The following DIAPH3 variants were observed in gnomAD, a reference collection of about 807,000 sequenced individuals.
DIAPH3 encodes protein diaphanous homolog 3.
In DIAPH3, 117 loss-of-function variants were observed where a neutral mutation model predicts 144.3. That is an observed-to-expected ratio of 0.81 (90% CI 0.70 to 0.95). The LOEUF (loss-of-function observed/expected upper bound fraction) is 0.95. Ranked by LOEUF, DIAPH3 falls within the 40% of genes least tolerant of loss-of-function variation. The pLI, the probability that DIAPH3 is intolerant of heterozygous loss-of-function variation, is 0.00. For missense variants in DIAPH3, 1,421 were observed against 1,412.7 expected (o/e 1.01, Z -0.09); for synonymous variants, 519 against 488.9 (o/e 1.06, Z -0.81).
chr13:60,055,186 T>C (rs1423876044), intron 4 of DIAPH3, among the ~76,000 whole-genome samples: 1 of 151,916 alleles, frequency 6.6e-6, no homozygotes, highest in East Asian at 1.9e-4. Context: ...CTTCCCCCCT[T>C]TTCACTTCTA....
chr13:59,697,059 T>C (rs2033837316), intron 27 of DIAPH3, among the ~76,000 whole-genome samples: 2 of 152,102 alleles, frequency 1.3e-5, no homozygotes, highest in South Asian at 2.1e-4. Context: ...CTAATGATAG[T>C]TGTAAAAATT....
intron 27 of DIAPH3, among the ~76,000 whole-genome samples, chr13:59,677,112 C>A (rs946155930): frequency 3.3e-5 from 5 of 152,034 alleles, no homozygotes; most frequent in African/African-American, 9.7e-5. Flanking sequence ...CAGTGCCCAC[C>A]TCATAACAAG....
chr13:60,146,533 C>T (rs930160249), intron 1 of DIAPH3, among the ~76,000 whole-genome samples: 2 of 152,156 alleles, frequency 1.3e-5, no homozygotes, highest in Non-Finnish European at 2.9e-5. Flanking sequence ...GGATTTGATA[C>T]AGAGCGGCCC....
intron 23 of DIAPH3, chr13:59,838,174 T>C (rs1264995736): frequency 6.6e-6 from 1 of 152,112 alleles, no homozygotes; most frequent in Admixed American, 6.6e-5. Context: ...CCATATGGGA[T>C]TTTAATAATG....
At chr13:59,847,928 T>A (rs1399334308) in intron 22 of DIAPH3, among the ~76,000 whole-genome samples, 1 of 152,172 alleles carries the variant, frequency 6.6e-6, no homozygotes, top group East Asian at 1.9e-4. Flanking sequence ...AACTCACTTT[T>A]CCAATTAGAA....
At chr13:60,131,894 C>T (rs566808570) in intron 2 of DIAPH3, among the ~76,000 whole-genome samples, 1 of 152,310 alleles carries the variant, frequency 6.6e-6, no homozygotes, top group East Asian at 1.9e-4. Context: ...GAACAAAATT[C>T]AAGCTATAAC....
intron 23 of DIAPH3, 62 bp downstream of exon 23, chr13:59,839,262 A>G: frequency 6.3e-7 from 1 of 1,595,506 alleles, no homozygotes; most frequent in Non-Finnish European, 8.6e-7. Context: ...CATCTAAAAT[A>G]TTAAATAAAT....
At chr13:60,138,025 A>G (rs1403137726) in intron 1 of DIAPH3, among the ~76,000 whole-genome samples, 2 of 152,138 alleles carry the variant, frequency 1.3e-5, no homozygotes, top group African/African-American at 4.8e-5. Context: ...CGCCTGGCCA[A>G]AAATTTACGT....
chr13:60,036,152 T>C (rs894342379), intron 5 of DIAPH3, among the ~76,000 whole-genome samples: 6 of 152,214 alleles, frequency 3.9e-5, no homozygotes, highest in African/African-American at 1.4e-4. Flanking sequence ...GAGATTAATG[T>C]CCAATCATCC....
In DIAPH3 at chr13:59,817,440, A is replaced by T. The variant is rs190659866; in HGVS notation, c.3028-6517T>A. 1.1e-4 allele frequency among the ~76,000 whole-genome samples: 17 copies of T among 151,998 alleles called. No individual in the cohort carries two copies. The East Asian group carries it at 2.5e-3, about 22-fold the overall frequency. On this transcript the variant is annotated intron_variant, in intron 24 of 27. Coordinates refer to ENST00000400324, the MANE Select transcript of DIAPH3 (RefSeq NM_001042517.2). The stretch of plus-strand genomic sequence containing the variant: ...TGAATTAAGCTTTTTGTTGTCATGA[A>T]GTAATTAATGTCTTGAGTCAATTGT...
At chr13:60,004,964 G>C (rs1250847107) in intron 9 of DIAPH3, among the ~76,000 whole-genome samples, 1 of 152,100 alleles carries the variant, frequency 6.6e-6, no homozygotes, top group Non-Finnish European at 1.5e-5. Flanking sequence ...CATAACTACG[G>C]AAGGAAAACA....
At chr13:60,079,646 T>C (rs1461910293) in intron 4 of DIAPH3, among the ~76,000 whole-genome samples, 3 of 151,808 alleles carry the variant, frequency 2.0e-5, no homozygotes, top group Admixed American at 6.6e-5. Flanking sequence ...TGATGTCTTA[T>C]GGGCATGTCT....
chr13:59,923,805 T>G (rs1232611065), intron 18 of DIAPH3, among the ~76,000 whole-genome samples: 1 of 152,138 alleles, frequency 6.6e-6, no homozygotes, highest in Non-Finnish European at 1.5e-5. Flanking sequence ...AGGCCTGCAT[T>G]GTAGAAAAGA....
chr13:60,105,099 CAAAAAAAAAAA>C (rs60853102), intron 3 of DIAPH3, among the ~76,000 whole-genome samples: 3 of 41,840 alleles, frequency 7.2e-5, no homozygotes, highest in African/African-American at 2.0e-4. Context: ...GACACGATCT[CAAAAAAAAAAA>C]AAAAAAAAAA....
intron 9 of DIAPH3, among the ~76,000 whole-genome samples, chr13:60,002,876 A>G (rs996929211): frequency 6.6e-6 from 1 of 152,188 alleles, no homozygotes; most frequent in Admixed American, 6.5e-5. Context: ...TGCTCTTGAT[A>G]CTCCAGGAAA....
chr13:59,762,052 C>CTTTTTTTTTTTT (rs35387511), intron 27 of DIAPH3, among the ~76,000 whole-genome samples: 8 of 59,520 alleles, frequency 1.3e-4, no homozygotes, highest in Admixed American at 5.0e-4. Flanking sequence ...GCGTCAGCAT[C>CTTTTTTTTTTTT]TTTTTTTTTT....
intron 25 of DIAPH3, among the ~76,000 whole-genome samples, chr13:59,802,726 C>CT: frequency 8.8e-6 from 1 of 114,210 alleles, no homozygotes; most frequent in Non-Finnish European, 1.7e-5. Flanking sequence ...CCAGGCCGGA[C>CT]TGCGGACTGC....
intron 27 of DIAPH3, among the ~76,000 whole-genome samples, chr13:59,726,271 C>T (rs571272675): frequency 6.6e-6 from 1 of 152,212 alleles, no homozygotes; most frequent in Admixed American, 6.5e-5. Flanking sequence ...CATATGTCAT[C>T]TTTTATATGT....
In DIAPH3 at chr13:60,095,221, G is replaced by C. The variant is rs1369412603; in HGVS notation, c.391-1489C>G. 2.6e-5 allele frequency among the ~76,000 whole-genome samples: 4 copies of C among 152,240 alleles called. No individual in the cohort carries two copies. The South Asian group carries it at 8.3e-4, about 32-fold the overall frequency. On this transcript the variant is annotated intron_variant, in intron 3 of 27. Transcript: ENST00000400324. ...ATTCAATGGAACTGTTGCAGGACAG[G>C]TGAGCCCCAAATTTGGGGCTCATGG...
Sources: gnomAD v4.1 joint callset for allele counts (sites outside exome capture counted in the v4.1 genomes callset) on GRCh38, gnomAD v4.1.1 for gene constraint, MANE v1.5 for transcripts, NCBI Gene and HGNC (gene_info 2026-07-23, HGNC 2026-07-21) for gene names.